PBX3: variants seen among roughly 807,000 people sequenced by gnomAD.
PBX3 encodes the protein PBX homeobox 3.
PBX3 carries 14 observed loss-of-function variants against 48.5 expected under a neutral mutation model. That is an observed-to-expected ratio of 0.29 (90% CI 0.19 to 0.45). The LOEUF (loss-of-function observed/expected upper bound fraction) is 0.45, where lower values mean the gene tolerates loss of function less well. PBX3 is among the 20% of genes least tolerant of loss of function. The pLI is 1.00. For missense variants in PBX3, 386 were observed against 546.7 expected (o/e 0.71, Z 2.93); for synonymous variants, 210 against 200.3 (o/e 1.05, Z -0.41).
chr9:125,861,021 C>G (rs1011301574), intron 2 of PBX3, among the ~76,000 whole-genome samples: 1 of 151,754 alleles, frequency 6.6e-6, no homozygotes, highest in Non-Finnish European at 1.5e-5. Flanking sequence ...GGTGGCTCAT[C>G]ATGCCTATAA....
At chr9:125,883,486 T>C (rs540255801) in intron 2 of PBX3, among the ~76,000 whole-genome samples, 1 of 152,324 alleles carries the variant, frequency 6.6e-6, no homozygotes, top group South Asian at 2.1e-4. Context: ...ACCTTCTTTA[T>C]AAGGAACACC....
chr9:125,782,090 T>G (rs184695114), intron 2 of PBX3, among the ~76,000 whole-genome samples: 17 of 152,350 alleles, frequency 1.1e-4, no homozygotes, highest in Admixed American at 1.0e-3. Flanking sequence ...TTCATTTTCA[T>G]GCTCCTGCTA....
rs118167285 is a variant in PBX3, at chr9:125,905,723, A to G, written c.275-9963A>G. On this transcript the variant is annotated intron_variant, in intron 2 of 8. Coordinates refer to ENST00000373489, the MANE Select transcript of PBX3 (RefSeq NM_006195.6). ...AAATTGTGAATACACTTGCACTAGA[A>G]TGTTTCATTTTATTACCTAGTTAAA... 6.9e-3 allele frequency among the ~76,000 whole-genome samples: 1,044 copies of G among 152,138 alleles called. 4 individuals are homozygous for G. The highest frequency in any genetic ancestry group is 0.027 in the Middle Eastern group (8 of 294).
intron 2 of PBX3, among the ~76,000 whole-genome samples, chr9:125,868,825 G>T (rs1442885210): frequency 6.6e-6 from 1 of 152,146 alleles, no homozygotes; most frequent in Non-Finnish European, 1.5e-5. Flanking sequence ...TGAATTGTTA[G>T]TACTCCTAGG....
At chr9:125,832,995 A>G (rs755533468) in intron 2 of PBX3, among the ~76,000 whole-genome samples, 4 of 152,192 alleles carry the variant, frequency 2.6e-5, no homozygotes, top group Non-Finnish European at 5.9e-5. Flanking sequence ...AAAAGTACCT[A>G]CATTGTTATG....
intron 2 of PBX3, among the ~76,000 whole-genome samples, chr9:125,847,764 T>C (rs1839466601): frequency 6.6e-6 from 1 of 151,742 alleles, no homozygotes; most frequent in Non-Finnish European, 1.5e-5. Flanking sequence ...AAATATGGTC[T>C]AGGGACTGAA....
intron 2 of PBX3, among the ~76,000 whole-genome samples, chr9:125,891,931 AT>A (rs1214765469): frequency 6.6e-6 from 1 of 151,862 alleles, no homozygotes; most frequent in African/African-American, 2.4e-5. Flanking sequence ...TATTTTATTA[AT>A]TTTTTTGAGA....
At chr9:125,849,135 A>C (rs143893927) in intron 2 of PBX3, among the ~76,000 whole-genome samples, 4 of 151,996 alleles carry the variant, frequency 2.6e-5, no homozygotes, top group African/African-American at 9.7e-5. Context: ...AGTGAGTGGC[A>C]GAACCTTATT....
intron 2 of PBX3, among the ~76,000 whole-genome samples, chr9:125,899,276 T>C (rs1052369630): frequency 1.7e-5 from 2 of 115,432 alleles, no homozygotes; most frequent in African/African-American, 3.3e-5. Flanking sequence ...TAAATATACA[T>C]ATGTATATAT....
At position 125,813,283 on chromosome 9, in the gene PBX3, T is replaced by G. The variant is rs117258813; in HGVS notation, c.274+64660T>G. Reference sequence around the variant, plus strand: ...TTTTTTTTACTTTTTAATTTTTTTTTGTTAAAAACCAAGCCAAACACACAT... The same window carrying G: ...TTTTTTTTACTTTTTAATTTTTTTTGGTTAAAAACCAAGCCAAACACACAT... On this transcript the variant is annotated intron_variant, in intron 2 of 8. Transcript: ENST00000373489. Among the ~76,000 whole-genome samples the G allele has an allele frequency of 6.4e-4, 97 of 152,294 alleles. 1 individual carries two copies. The East Asian group carries it at 0.015, about 24-fold the overall frequency.
chr9:125,790,842 C>T (rs1282652909), intron 2 of PBX3, among the ~76,000 whole-genome samples: 1 of 152,066 alleles, frequency 6.6e-6, no homozygotes, highest in Non-Finnish European at 1.5e-5. Flanking sequence ...GTGTGAGCCA[C>T]CGTTCCCTGC....
chr9:125,816,949 A>T (rs565773207), intron 2 of PBX3, among the ~76,000 whole-genome samples: 7 of 152,318 alleles, frequency 4.6e-5, no homozygotes, highest in Non-Finnish European at 8.8e-5. Flanking sequence ...TGGAGACACC[A>T]GAGTTCTTAT....
At chr9:125,926,550 C>T (rs1353128599) in intron 3 of PBX3, among the ~76,000 whole-genome samples, 1 of 151,988 alleles carries the variant, frequency 6.6e-6, no homozygotes, top group Non-Finnish European at 1.5e-5. Context: ...TTATTACAGG[C>T]TCATGCCTAT....
At chr9:125,938,615 C>A (rs1417238502) in intron 5 of PBX3, among the ~76,000 whole-genome samples, 1 of 152,118 alleles carries the variant, frequency 6.6e-6, no homozygotes, top group Non-Finnish European at 1.5e-5. Flanking sequence ...CAAGACAACA[C>A]CAGCCAAATC....
chr9:125,878,273 G>T (rs930513901), intron 2 of PBX3, among the ~76,000 whole-genome samples: 9 of 152,310 alleles, frequency 5.9e-5, no homozygotes, highest in South Asian at 2.1e-4. Context: ...CAGCTTGGAG[G>T]GGGGTAAGAG....
At chr9:125,826,837 TATCC>T (rs577198711) in intron 2 of PBX3, among the ~76,000 whole-genome samples, 1 of 152,180 alleles carries the variant, frequency 6.6e-6, no homozygotes, top group Non-Finnish European at 1.5e-5. Context: ...GTATTTAAGG[TATCC>T]ATCACCTTAA....
At chr9:125,920,924 T>C (rs1841443607) in intron 3 of PBX3, among the ~76,000 whole-genome samples, 2 of 152,242 alleles carry the variant, frequency 1.3e-5, no homozygotes, top group Non-Finnish European at 2.9e-5. Flanking sequence ...TTGAGGTCTC[T>C]ACATTATGTG....
At chr9:125,781,977 C>T (rs1009963461) in intron 2 of PBX3, among the ~76,000 whole-genome samples, 2 of 151,910 alleles carry the variant, frequency 1.3e-5, no homozygotes, top group African/African-American at 4.8e-5. Context: ...ATCATTTGAT[C>T]CCCTTCTAAT....
At position 125,800,750 on chromosome 9, in the gene PBX3, A is replaced by ATTTT. The variant is rs60068482; in HGVS notation, c.274+52144_274+52147dup. Among the ~76,000 whole-genome samples the ATTTT allele has an allele frequency of 2.3e-4, 30 of 133,108 alleles. No homozygotes were observed. The South Asian group carries it at 2.8e-3, about 12-fold the overall frequency. The allele number at this position is 133,108 out of a possible 152,430, so 87.3% of individuals were successfully genotyped here. A position where few individuals can be genotyped will look rare whatever the true frequency, so the allele number is the denominator to read the frequency against. ...ACACTAATCTGAGCGCTTGGAATTA[A>ATTTT]TTTTTTTTTTTTTTTTTTTTGAGAC... On this transcript the variant is annotated intron_variant, in intron 2 of 8. Transcript: ENST00000373489.
Sources: allele counts gnomAD v4.1 joint callset (sites outside exome capture counted in the v4.1 genomes callset), GRCh38; gene constraint gnomAD v4.1.1; transcripts MANE v1.5; gene names NCBI Gene and HGNC (gene_info 2026-07-23, HGNC 2026-07-21).